Variants in LINGO2 observed in about 807,000 individuals in gnomAD.
The protein encoded by LINGO2 is leucine-rich repeat and immunoglobulin-like domain-containing nogo receptor-interacting protein 2.
A neutral mutation model predicts 30.6 loss-of-function variants in LINGO2; 14 were observed. That is an observed-to-expected ratio of 0.46 (90% CI 0.30 to 0.72). LINGO2 has a LOEUF of 0.72. Among genes scored for constraint, LINGO2 ranks in the 30% least tolerant of loss-of-function variants. The pLI, the probability that LINGO2 is intolerant of heterozygous loss-of-function variation, is 0.07. For synonymous variants in LINGO2, 317 were observed against 288.5 expected, an observed-to-expected ratio of 1.10 and a Z score of -1.00; for missense variants, 729 against 751.7, an observed-to-expected ratio of 0.97 and a Z score of 0.35.
chr9:29,148,791 TTC>T, the LINGO2 span, among the ~76,000 whole-genome samples: 1 of 152,128 alleles, frequency 6.6e-6, no homozygotes, highest in Admixed American at 6.5e-5. Flanking sequence ...GGAGACAATT[TTC>T]TCTACAAATG....
chr9:29,178,625 A>C, the LINGO2 span, among the ~76,000 whole-genome samples: 1 of 152,212 alleles, frequency 6.6e-6, no homozygotes, highest in Non-Finnish European at 1.5e-5. Context: ...ACAAATTGTT[A>C]TGAACTATAC....
intron 3 of LINGO2, among the ~76,000 whole-genome samples, chr9:28,357,340 A>G (rs1387543854): frequency 1.4e-5 from 2 of 140,060 alleles, no homozygotes; most frequent in Non-Finnish European, 3.1e-5. Flanking sequence ...AAAAGAAAGC[A>G]CCAATACTTC....
the LINGO2 span, among the ~76,000 whole-genome samples, chr9:28,834,079 A>G: frequency 1.9e-3 from 289 of 149,558 alleles, 1 homozygote; most frequent in African/African-American, 7.0e-3. Context: ...TACTTAGTGC[A>G]TGGTAGATGA....
the LINGO2 span, among the ~76,000 whole-genome samples, chr9:28,791,145 T>C: frequency 6.6e-6 from 1 of 152,180 alleles, no homozygotes; most frequent in South Asian, 2.1e-4. Flanking sequence ...ATAGTCATTT[T>C]ATCAGAATAC....
the LINGO2 span, among the ~76,000 whole-genome samples, chr9:28,860,666 T>C: frequency 3.7e-3 from 458 of 122,372 alleles, 9 homozygotes; most frequent in East Asian, 0.067. Context: ...TGTATAGTCA[T>C]ATATATATTT....
chr9:28,630,946 C>A (rs1230235164), intron 1 of LINGO2, among the ~76,000 whole-genome samples: 1 of 150,882 alleles, frequency 6.6e-6, no homozygotes, highest in Non-Finnish European at 1.5e-5. Flanking sequence ...CCTTTAAATG[C>A]ATTACTAGTG....
the LINGO2 span, among the ~76,000 whole-genome samples, chr9:29,121,383 A>G: frequency 6.6e-6 from 1 of 152,148 alleles, no homozygotes; most frequent in Non-Finnish European, 1.5e-5. Context: ...AGAAAAATGA[A>G]TTAAGCAAAA....
In LINGO2 at chr9:28,214,709, C is replaced by T. The variant is rs554436944; in HGVS notation, c.-87+80499G>A. Among the ~76,000 whole-genome samples, 15 of 151,692 alleles carry T rather than the reference C, an allele frequency of 9.9e-5. No homozygotes were observed. The Middle Eastern group carries it at 0.01, about 103-fold the overall frequency. On this transcript the variant is annotated intron_variant, in intron 4 of 5. Coordinates refer to ENST00000379992, the Ensembl canonical transcript of LINGO2. ...TTTATATATGAAGGAAACAGAAAAGCTGTAAGGTATAATTGTCCAAATGTA... is the reference window on the plus strand; with the variant it reads ...TTTATATATGAAGGAAACAGAAAAGTTGTAAGGTATAATTGTCCAAATGTA...
chr9:28,802,091 ATATT>A, the LINGO2 span, among the ~76,000 whole-genome samples: 53 of 151,998 alleles, frequency 3.5e-4, no homozygotes, highest in Admixed American at 2.5e-3. Context: ...GTTTATATGA[ATATT>A]TATACGAATG....
chr9:28,275,227 C>A (rs867802967), intron 4 of LINGO2, among the ~76,000 whole-genome samples: 2 of 152,004 alleles, frequency 1.3e-5, no homozygotes, highest in Non-Finnish European at 2.9e-5. Flanking sequence ...CGCCACCACG[C>A]TTGGCTAATT....
chr9:28,368,689 C>T (rs562571724), intron 3 of LINGO2, among the ~76,000 whole-genome samples: 4 of 151,590 alleles, frequency 2.6e-5, no homozygotes, highest in South Asian at 2.1e-4. Flanking sequence ...CTCCCCCTCC[C>T]GAGTTCACAC....
intron 4 of LINGO2, among the ~76,000 whole-genome samples, chr9:28,235,850 C>G (rs1450025145): frequency 1.3e-5 from 2 of 151,926 alleles, no homozygotes; most frequent in Admixed American, 1.3e-4. Flanking sequence ...TCTCAAAGGG[C>G]AAATGTAAGA....
chr9:28,534,006 C>A (rs184426835), intron 1 of LINGO2, among the ~76,000 whole-genome samples: 58 of 152,198 alleles, frequency 3.8e-4, no homozygotes, highest in African/African-American at 1.4e-3. Context: ...TGTTGTTAGG[C>A]CTTTTCAACT....
At chr9:29,119,004 A>C in the LINGO2 span, among the ~76,000 whole-genome samples, 1 of 152,138 alleles carries the variant, frequency 6.6e-6, no homozygotes, top group Non-Finnish European at 1.5e-5. Flanking sequence ...CATGAAACCC[A>C]GTAACATATG....
intron 1 of LINGO2, among the ~76,000 whole-genome samples, chr9:28,650,875 G>C (rs573271500): frequency 6.6e-5 from 10 of 152,302 alleles, no homozygotes; most frequent in Middle Eastern, 3.4e-3. Flanking sequence ...CAATTTTAAA[G>C]GTATTACTAA....
At chr9:28,998,847 T>C in the LINGO2 span, among the ~76,000 whole-genome samples, 97,514 of 150,614 alleles carry the variant, frequency 0.65, 32,081 homozygotes, top group Non-Finnish European at 0.72. Context: ...TACCATTATA[T>C]ATATAGCACA....
chr9:28,301,284 T>C (rs187535984), intron 3 of LINGO2, among the ~76,000 whole-genome samples: 1 of 152,178 alleles, frequency 6.6e-6, no homozygotes, highest in Admixed American at 6.5e-5. Context: ...TTTGTAACTA[T>C]TGAGGAGTCA....
the LINGO2 span, among the ~76,000 whole-genome samples, chr9:29,082,514 G>C: frequency 6.6e-6 from 1 of 152,134 alleles, no homozygotes; most frequent in Non-Finnish European, 1.5e-5. Flanking sequence ...TCAGGACATA[G>C]GCATGGGCAA....
intron 4 of LINGO2, among the ~76,000 whole-genome samples, chr9:28,035,490 G>C (rs1563930831): frequency 6.6e-6 from 1 of 152,116 alleles, no homozygotes. Flanking sequence ...ATAGAATCCA[G>C]TGTTATTAAC....
Sources: gnomAD v4.1 joint callset for allele counts (sites outside exome capture counted in the v4.1 genomes callset) on GRCh38, gnomAD v4.1.1 for gene constraint, MANE v1.5 for transcripts, NCBI Gene and HGNC (gene_info 2026-07-23, HGNC 2026-07-21) for gene names.